Variants in POC1A observed in about 807,000 individuals in gnomAD.
The protein encoded by POC1A is POC1 centriolar protein homolog A.
In POC1A, 34 loss-of-function variants were observed where a neutral mutation model predicts 47.8. That is an observed-to-expected ratio of 0.71 (90% confidence interval 0.54 to 0.95). POC1A has a LOEUF of 0.95. Among genes scored for constraint, POC1A ranks in the 40% least tolerant of loss-of-function variants. The pLI, the probability that POC1A is intolerant of heterozygous loss-of-function variation, is 0.00. For missense variants in POC1A, 466 were observed against 528.3 expected, an observed-to-expected ratio of 0.88 and a Z score of 1.16; for synonymous variants, 177 against 207.6, an observed-to-expected ratio of 0.85 and a Z score of 1.27.
intron 9 of POC1A, among the ~76,000 whole-genome samples, chr3:52,121,101 G>A (rs1208294695): frequency 6.6e-6 from 1 of 152,220 alleles, no homozygotes; most frequent in Non-Finnish European, 1.5e-5. Flanking sequence ...TGTCTCATCT[G>A]TGAATTGAGC....
chr3:52,094,303 G>A (rs1298095236), intron 10 of POC1A, among the ~76,000 whole-genome samples: 3 of 152,350 alleles, frequency 2.0e-5, no homozygotes, highest in South Asian at 2.1e-4. Context: ...TGAACAAGCC[G>A]CTTGGGAAGA....
intron 7 of POC1A, among the ~76,000 whole-genome samples, chr3:52,134,565 G>C (rs950690088): frequency 1.3e-5 from 2 of 152,196 alleles, no homozygotes; most frequent in African/African-American, 2.4e-5. Flanking sequence ...CCAGGAGATG[G>C]AGGTTGCAGT....
chr3:52,103,708 C>G (rs1439655192), intron 9 of POC1A, among the ~76,000 whole-genome samples: 1 of 151,968 alleles, frequency 6.6e-6, no homozygotes, highest in African/African-American at 2.4e-5. Context: ...AAAACTTCTG[C>G]TCTTTGAAAG....
At chr3:52,130,938 T>C (rs113846100) in intron 7 of POC1A, among the ~76,000 whole-genome samples, 2,510 of 150,838 alleles carry the variant, frequency 0.017, 59 homozygotes, top group African/African-American at 0.053. Flanking sequence ...ACCAACTAAG[T>C]CTCAAAGCAT....
chr3:52,147,183 T>G, intron 4 of POC1A, 88 bp from the exon 5 acceptor site: 1 of 1,060,138 alleles, frequency 9.4e-7, no homozygotes, highest in Admixed American at 1.9e-5. Context: ...CTTCCCCGAG[T>G]GCCTACTATC....
chr3:52,151,166 C>A, intron 1 of POC1A, 66 bp from the exon 2 acceptor site: 1 of 1,605,378 alleles, frequency 6.2e-7, no homozygotes. Flanking sequence ...AGGGCCAGCA[C>A]TCTTCCTACA....
intron 4 of POC1A, 91 bp from the exon 5 acceptor site, chr3:52,147,186 C>T: frequency 9.8e-7 from 1 of 1,019,736 alleles, no homozygotes; most frequent in African/African-American, 1.6e-5. Flanking sequence ...CCCCGAGTGC[C>T]TACTATCTGC....
chr3:52,095,130 G>A (rs572815558), intron 10 of POC1A, among the ~76,000 whole-genome samples: 4 of 152,164 alleles, frequency 2.6e-5, no homozygotes, highest in African/African-American at 4.8e-5. Flanking sequence ...CTCACTTGGC[G>A]AGGCTGTGAA....
chr3:52,152,417 A>G (rs930663372), intron 1 of POC1A, among the ~76,000 whole-genome samples: 18 of 152,036 alleles, frequency 1.2e-4, no homozygotes, highest in African/African-American at 4.3e-4. Flanking sequence ...TAAAAATACA[A>G]AAATTAGCTA....
At chr3:52,139,730 G>T (rs1453595305) in intron 6 of POC1A, among the ~76,000 whole-genome samples, 5 of 152,170 alleles carry the variant, frequency 3.3e-5, no homozygotes, top group African/African-American at 1.2e-4. Context: ...CACCGAGCAG[G>T]ACTCAGAAAG....
chr3:52,082,720 A>G (rs1459724892), intron 10 of POC1A, among the ~76,000 whole-genome samples: 1 of 152,148 alleles, frequency 6.6e-6, no homozygotes, highest in African/African-American at 2.4e-5. Context: ...TGATTTTAAA[A>G]TGACAGGCTT....
chr3:52,138,725 C>T (rs1001390710), intron 6 of POC1A, among the ~76,000 whole-genome samples: 1 of 152,218 alleles, frequency 6.6e-6, no homozygotes, highest in Admixed American at 6.5e-5. Flanking sequence ...AATACAATGC[C>T]ACTGCCACAC....
At chr3:52,145,276 C>T (rs942938436) in intron 6 of POC1A, among the ~76,000 whole-genome samples, 6 of 152,222 alleles carry the variant, frequency 3.9e-5, no homozygotes, top group Admixed American at 3.9e-4. Flanking sequence ...TGAGCCCATG[C>T]CCACTGCCCG....
chr3:52,082,667 T>C lies in POC1A; in HGVS notation c.1126-6682A>G, dbSNP rs143721013. Among the ~76,000 whole-genome samples the C allele has an allele frequency of 2.4e-3, 371 of 152,282 alleles. 1 individual carries two copies. Among genetic ancestry groups the C allele is most frequent in the African/African-American group, 8.2e-3 (342 of 41,562 alleles). ...AGTTCAAGACGTGTAAAACGTTTTA[T>C]GTAACACCTTAAAGGGCCTTCTGAG... On this transcript the variant is annotated intron_variant, in intron 10 of 10. Coordinates refer to ENST00000296484, the MANE Select transcript of POC1A (RefSeq NM_015426.5).
chr3:52,093,138 G>A (rs1449124002), intron 10 of POC1A, among the ~76,000 whole-genome samples: 4 of 152,196 alleles, frequency 2.6e-5, no homozygotes, highest in African/African-American at 9.7e-5. Context: ...TGCTGCTTCT[G>A]TTACCCCACA....
chr3:52,109,359 T>C (rs1019978771), intron 9 of POC1A, among the ~76,000 whole-genome samples: 2 of 152,080 alleles, frequency 1.3e-5, no homozygotes, highest in Non-Finnish European at 2.9e-5. Context: ...ACAGATGAAA[T>C]GAGATTAGCA....
rs145306318 is a variant in POC1A, at chr3:52,123,400, G to C, written c.883-923C>G. Among the ~76,000 whole-genome samples the C allele has an allele frequency of 4.0e-3, 602 of 152,282 alleles. 3 individuals carry two copies. Among genetic ancestry groups the C allele is most frequent in the African/African-American group, 0.014 (567 of 41,552 alleles). ...GGGTGTCACAAGAGAACTGGGGAGT[G>C]TGTGGCCAGTGGTCACCTGAGGCCA... On this transcript the variant is annotated intron_variant, in intron 8 of 10. Transcript: ENST00000296484.
At chr3:52,078,183 CCT>C (rs1298255101) in intron 10 of POC1A, among the ~76,000 whole-genome samples, 1 of 152,112 alleles carries the variant, frequency 6.6e-6, no homozygotes, top group Admixed American at 6.5e-5. Flanking sequence ...CTCAGCTTCC[CCT>C]GTTCCTTCTC....
chr3:52,127,876 A>C (rs2107117256), intron 7 of POC1A, among the ~76,000 whole-genome samples: 1 of 152,160 alleles, frequency 6.6e-6, no homozygotes, highest in Non-Finnish European at 1.5e-5. Context: ...TTATATTTTT[A>C]GTAGAGACGG....
Sources: gnomAD v4.1 joint callset for allele counts (sites outside exome capture counted in the v4.1 genomes callset) on GRCh38, gnomAD v4.1.1 for gene constraint, MANE v1.5 for transcripts, NCBI Gene and HGNC (gene_info 2026-07-23, HGNC 2026-07-21) for gene names.